Variants in ATXN1 observed in about 807,000 individuals in gnomAD.
The protein encoded by ATXN1 is ataxin-1.
A neutral mutation model predicts 56.4 loss-of-function variants in ATXN1; 8 were observed. The ratio of observed to expected loss-of-function variants is 0.14; its 90% CI spans 0.08 to 0.26. The LOEUF (loss-of-function observed/expected upper bound fraction) is 0.26, where lower values mean the gene tolerates loss of function less well. Ranked by LOEUF, ATXN1 falls within the 10% of genes least tolerant of loss-of-function variation. ATXN1 has a pLI of 1.00. For missense variants in ATXN1, 987 were observed against 1,106.5 expected (o/e 0.89, Z 1.53); for synonymous variants, 514 against 494.6 (o/e 1.04, Z -0.52).
chr6:16,633,514 C>A (rs1157342397), intron 3 of ATXN1, among the ~76,000 whole-genome samples: 2 of 152,158 alleles, frequency 1.3e-5, no homozygotes, highest in African/African-American at 2.4e-5. Context: ...CCAGTTCTTG[C>A]CCAAGTTTAA....
At chr6:16,761,175 G>A (rs1761087698) in intron 1 of ATXN1, 123 bp downstream of exon 1, 1 of 365,376 alleles carries the variant, frequency 2.7e-6, no homozygotes, top group Admixed American at 3.6e-5. Context: ...GGGTTTGTTT[G>A]CTGGTTGTTG....
At chr6:16,689,510 C>CTT (rs371753662) in intron 2 of ATXN1, among the ~76,000 whole-genome samples, 14,212 of 126,714 alleles carry the variant, frequency 0.11, 1,546 homozygotes, top group African/African-American at 0.29. Context: ...CTTTTTTTTT[C>CTT]TTTTTTTTTT....
intron 3 of ATXN1, among the ~76,000 whole-genome samples, chr6:16,643,704 C>T (rs1262280445): frequency 6.7e-6 from 1 of 149,990 alleles, no homozygotes; most frequent in Non-Finnish European, 1.5e-5. Flanking sequence ...GAGAAGAATT[C>T]GGGCCAAATA....
chr6:16,456,122 CT>C (rs755408496), intron 6 of ATXN1, among the ~76,000 whole-genome samples: 6 of 152,208 alleles, frequency 3.9e-5, no homozygotes, highest in Admixed American at 1.3e-4. Flanking sequence ...CACAGTTAAC[CT>C]TGCTACTGCT....
intron 2 of ATXN1, among the ~76,000 whole-genome samples, chr6:16,693,553 A>C (rs1029873345): frequency 5.3e-5 from 8 of 152,152 alleles, no homozygotes; most frequent in African/African-American, 1.9e-4. Context: ...TCAGTTCCAA[A>C]ACCTGGACAC....
chr6:16,618,764 AG>A (rs1763266641), intron 3 of ATXN1, among the ~76,000 whole-genome samples: 1 of 151,878 alleles, frequency 6.6e-6, no homozygotes, highest in African/African-American at 2.4e-5. Flanking sequence ...AAAAAAAAAA[AG>A]CAAAACACTT....
chr6:16,592,431 CG>C lies in ATXN1; in HGVS notation c.-488-6525del, dbSNP rs1259972906. ...GACTCCTGCCTCACTCAGAAGACCA[CG>C]TGTTGCTCAGAAAAGAAAGGTGGGC... On this transcript the variant is annotated intron_variant, in intron 3 of 7. Transcript: ENST00000436367. 2.6e-5 allele frequency among the ~76,000 whole-genome samples: 4 copies of C among 152,248 alleles called. No homozygotes were observed. In the East Asian group the frequency reaches 7.7e-4, roughly 29 times the overall value.
chr6:16,451,147 C>A (rs1236423429), intron 6 of ATXN1, among the ~76,000 whole-genome samples: 1 of 152,200 alleles, frequency 6.6e-6, no homozygotes, highest in Admixed American at 6.5e-5. Flanking sequence ...GTTGCCACTT[C>A]AGCTGTACAA....
chr6:16,306,424 A>T lies in ATXN1; in HGVS notation c.2353T>A (p.Ser785Thr). 6.2e-7 allele frequency: 1 copy of T among 1,614,086 alleles called. No homozygotes were observed. Residue 785 changes from serine (S) to threonine (T), a missense_variant, in exon 8 of 8, where the codon TCA becomes ACA. Ser to Thr is a moderately conservative substitution (Grantham distance 58). This residue lies in a region of ATXN1 where 196 missense variants were observed against 196.7 expected (regional missense o/e 1.00). Transcript: ENST00000436367. The surrounding 1 kb of genome is among the most constrained non-coding windows in gnomAD (Gnocchi z 5.2). ...SAPESRKLEK[S>T]EDEPPLTLPK... ...AGAGTCAAAGGTGGTTCGTCTTCTG[A>T]CTTCTCCAGTTTGCGGCTCTCTGGC...
At chr6:16,307,020 C>G (rs1290970656) in intron 7 of ATXN1, among the ~76,000 whole-genome samples, 161 bp from the exon 8 acceptor site, 1 of 152,228 alleles carries the variant, frequency 6.6e-6, no homozygotes. Flanking sequence ...CCCTCTCCCC[C>G]AGCCACACAC....
rs187844052 is a variant in ATXN1, at chr6:16,490,519, C to A, written c.-298-4410G>T. Among the ~76,000 whole-genome samples, 896 of 152,280 alleles carry A rather than the reference C, an allele frequency of 5.9e-3. 3 individuals carry two copies. The highest frequency in any genetic ancestry group is 0.014 in the Middle Eastern group (4 of 294). ...CCACCACTTTTCTCTGTGTTAGTAA[C>A]CTTCCTTCTCCTCCAAAGGTCAAGA... On this transcript the variant is annotated intron_variant, in intron 5 of 7. Transcript: ENST00000436367.
At chr6:16,399,755 C>A (rs3819401) in intron 6 of ATXN1, among the ~76,000 whole-genome samples, 12,236 of 152,204 alleles carry the variant, frequency 0.08, 559 homozygotes, top group African/African-American at 0.13. Context: ...TAAATTTCTC[C>A]CAATGCACGG....
chr6:16,585,363 G>A (rs1003804013), intron 4 of ATXN1, among the ~76,000 whole-genome samples: 31 of 151,892 alleles, frequency 2.0e-4, no homozygotes, highest in African/African-American at 5.3e-4. Context: ...ATAACTATAC[G>A]GTAGAAAAAT....
intron 2 of ATXN1, among the ~76,000 whole-genome samples, chr6:16,695,073 T>A (rs984635954): frequency 2.0e-5 from 3 of 152,130 alleles, no homozygotes; most frequent in Non-Finnish European, 4.4e-5. Context: ...TACCACCCAC[T>A]GAAGTGGTGG....
chr6:16,511,989 C>A (rs1761089805), intron 5 of ATXN1, among the ~76,000 whole-genome samples: 1 of 152,204 alleles, frequency 6.6e-6, no homozygotes, highest in Non-Finnish European at 1.5e-5. Flanking sequence ...CCTCTCCAGC[C>A]CCCATCTTTC....
At chr6:16,747,486 C>T (rs1760572776) in intron 2 of ATXN1, among the ~76,000 whole-genome samples, 1 of 152,018 alleles carries the variant, frequency 6.6e-6, no homozygotes, top group East Asian at 1.9e-4. Flanking sequence ...AGGAGCTTCC[C>T]GGTTAGTCAT....
intron 3 of ATXN1, among the ~76,000 whole-genome samples, chr6:16,638,503 G>T (rs948495462): frequency 6.6e-6 from 1 of 151,606 alleles, no homozygotes; most frequent in African/African-American, 2.4e-5. Context: ...TTAGGTACAG[G>T]GTCTTACAAA....
In ATXN1 at chr6:16,306,097, T is replaced by TAG; in HGVS notation, c.*231_*232insCT. Reference sequence around the variant, plus strand: ...TCTTCCCCGGGGATGCCTGGAGCCCTGACCGCTCCTGCTGTGCCCTTCCTC... The same window carrying TAG: ...TCTTCCCCGGGGATGCCTGGAGCCCTAGGACCGCTCCTGCTGTGCCCTTCCTC... On this transcript the variant is annotated 3_prime_UTR_variant, in exon 8 of 8. Coordinates refer to ENST00000436367, the MANE Select transcript of ATXN1 (RefSeq NM_001128164.2). The surrounding 1 kb of genome is among the most constrained non-coding windows in gnomAD (Gnocchi z 5.2). 2.3e-6 allele frequency: 1 copy of TAG among 430,594 alleles called. No individual in the cohort carries two copies. Among genetic ancestry groups the TAG allele is most frequent in the Non-Finnish European group, 4.1e-6 (1 of 242,714 alleles). 26.7% of individuals were successfully genotyped at this position (430,594 alleles called of 1,614,324 possible).
At chr6:16,579,841 C>T (rs1194589210) in intron 4 of ATXN1, among the ~76,000 whole-genome samples, 1 of 151,510 alleles carries the variant, frequency 6.6e-6, no homozygotes, top group Non-Finnish European at 1.5e-5. Context: ...TCTGTGGCTC[C>T]CATTTTAGAG....
Sources: gnomAD v4.1 joint callset for allele counts (sites outside exome capture counted in the v4.1 genomes callset) on GRCh38, gnomAD v4.1.1 for gene constraint, gnomAD v4.1.1 regional missense constraint, Gnocchi (gnomAD v3.1) non-coding constraint, MANE v1.5 for transcripts, NCBI Gene and HGNC (gene_info 2026-07-23, HGNC 2026-07-21) for gene names.